The following MADD variants were observed in gnomAD, a reference collection of about 807,000 sequenced individuals.
The protein encoded by MADD is MAP kinase activating death domain.
MADD carries 109 observed loss-of-function variants against 176.7 expected under a neutral mutation model. That is an observed-to-expected ratio of 0.62 (90% CI 0.53 to 0.72). MADD has a LOEUF of 0.72. Among genes scored for constraint, MADD ranks in the 30% least tolerant of loss-of-function variants. MADD has a pLI of 0.00. For synonymous variants in MADD, 771 were observed against 771.3 expected, an observed-to-expected ratio of 1.00 and a Z score of 0.01; for missense variants, 1,914 against 2,045.5, an observed-to-expected ratio of 0.94 and a Z score of 1.24.
chr11:47,287,671 A>G (rs1275361281), intron 15 of MADD, among the ~76,000 whole-genome samples: 2 of 152,048 alleles, frequency 1.3e-5, no homozygotes, highest in African/African-American at 4.8e-5. Flanking sequence ...TGGCCTCCCA[A>G]AGTGCCAGGA....
chr11:47,310,325 GCATCTAC>G (rs1565500512), intron 25 of MADD, among the ~76,000 whole-genome samples: 2 of 151,482 alleles, frequency 1.3e-5, no homozygotes, highest in Non-Finnish European at 2.9e-5. Flanking sequence ...GGGATTACAG[GCATCTAC>G]CACCATGCCT....
In MADD at chr11:47,289,138, G is replaced by A. The variant is rs947914591; in HGVS notation, c.2654-253G>A. The A allele has an allele frequency of 1.2e-5, 13 of 1,118,088 alleles. No individual in the cohort carries two copies. In the African/African-American group the frequency reaches 1.4e-4, roughly 12 times the overall value. 69.3% of individuals were successfully genotyped at this position (1,118,088 alleles called of 1,614,324 possible). The stretch of plus-strand genomic sequence containing the variant: ...GCAAGCAGCGTCACATGAGTGACCT[G>A]CTTGCCCCGTCCCCCGTGACGCCCA... On this transcript the variant is annotated intron_variant, in intron 15 of 32. Coordinates refer to ENST00000402192, the Ensembl canonical transcript of MADD.
intron 27 of MADD, among the ~76,000 whole-genome samples, chr11:47,319,178 C>T (rs1214886963): frequency 1.4e-5 from 2 of 146,344 alleles, no homozygotes; most frequent in Admixed American, 1.4e-4. Flanking sequence ...GTCACCCAGG[C>T]TGGAGTGCAG....
At position 47,324,500 on chromosome 11, in the gene MADD, C is replaced by T. The variant is rs766076891; in HGVS notation, c.4465C>T (p.Gln1489Ter). ...TGAATTGGGTGGCGAGTTCCCTGTGCAGGACCTGAAGACTGGTGAGGGTGG... is the reference window on the plus strand; with the variant it reads ...TGAATTGGGTGGCGAGTTCCCTGTGTAGGACCTGAAGACTGGTGAGGGTGG... The change falls in exon 30 of 33, where the codon CAG (glutamine) becomes TAG (stop). Residue 1489 changes from glutamine to a stop codon, truncating the protein, a stop_gained. Coordinates refer to ENST00000402192, the Ensembl canonical transcript of MADD. LOFTEE classifies it high-confidence loss of function. 1 of 1,613,968 alleles carries T rather than the reference C, an allele frequency of 6.2e-7. No individual in the cohort carries two copies. Among genetic ancestry groups the T allele is most frequent in the African/African-American group, 1.3e-5 (1 of 74,930 alleles).
chr11:47,327,352 G>A (rs1245062836), intron 31 of MADD: 2 of 985,320 alleles, frequency 2.0e-6, no homozygotes. Context: ...GGTGTAGTGG[G>A]TTCTCACCCT....
At chr11:47,281,512 G>C in intron 7 of MADD, 63 bp from the exon 8 acceptor site, 2 of 1,384,922 alleles carry the variant, frequency 1.4e-6, no homozygotes, top group South Asian at 1.5e-5. Context: ...TTTCCTTGGA[G>C]TTAAGATTGG....
chr11:47,315,993 G>C (rs186287450), intron 27 of MADD, among the ~76,000 whole-genome samples: 4 of 151,224 alleles, frequency 2.6e-5, no homozygotes, highest in African/African-American at 9.7e-5. Context: ...CACCATGCCC[G>C]GCCAATTTTT....
In MADD at chr11:47,309,148, A is replaced by G. The variant is rs1344544771; in HGVS notation, c.3752-133A>G. On this transcript the variant is annotated intron_variant, in intron 23 of 32. Coordinates refer to ENST00000402192, the Ensembl canonical transcript of MADD. The stretch of plus-strand genomic sequence containing the variant: ...GTGGCAGGCATGTTAGATCTGGGGT[A>G]GAAAGATTGTGTTTCCTTTGCCCTG... 6.5e-6 allele frequency: 10 copies of G among 1,545,574 alleles called. No individual in the cohort carries two copies. In the Admixed American group the frequency reaches 7.1e-5, roughly 11 times the overall value.
At chr11:47,277,495 C>G (rs2051335179) in intron 5 of MADD, among the ~76,000 whole-genome samples, 1 of 152,126 alleles carries the variant, frequency 6.6e-6, no homozygotes, top group Non-Finnish European at 1.5e-5. Context: ...CGGGGTTTCA[C>G]CATGTTGGCT....
rs530083393 is a variant in MADD at position 47,290,912 on chromosome 11, A to G, written c.3301+96A>G. On this transcript the variant is annotated intron_variant, in intron 19 of 32. Coordinates refer to ENST00000402192, the Ensembl canonical transcript of MADD. ...CCAGAATCCTGCCTTTCTCTGCCCC[A>G]TGCTTTGCTTCTTAGAGAGGGAAGG... 5.9e-6 allele frequency: 6 copies of G among 1,017,270 alleles called. No individual in the cohort carries two copies. The Admixed American group carries it at 9.6e-5, about 16-fold the overall frequency. 63.0% of individuals were successfully genotyped at this position (1,017,270 alleles called of 1,614,324 possible). A position where few individuals can be genotyped will look rare whatever the true frequency, so the allele number is the denominator to read the frequency against.
chr11:47,286,620 T>C, intron 15 of MADD, 86 bp downstream of exon 15: 2 of 964,100 alleles, frequency 2.1e-6, no homozygotes, highest in South Asian at 1.4e-5. Flanking sequence ...CTGCATCTGC[T>C]GAATCCTTTG....
intron 16 of MADD, 127 bp from the exon 18 acceptor site, chr11:47,289,740 G>A (rs1378190193): frequency 3.7e-6 from 4 of 1,094,064 alleles, no homozygotes; most frequent in Non-Finnish European, 4.0e-6. Flanking sequence ...GGGATGTGGT[G>A]CACTTGGACA....
intron 3 of MADD, 28 bp downstream of exon 3, chr11:47,275,187 G>T: frequency 6.3e-7 from 1 of 1,577,146 alleles, no homozygotes; most frequent in South Asian, 1.1e-5. Flanking sequence ...TGCCTAATGG[G>T]GGAAGCATTT....
At chr11:47,323,458 G>A (rs1013669354) in intron 27 of MADD, among the ~76,000 whole-genome samples, 11 of 151,510 alleles carry the variant, frequency 7.3e-5, no homozygotes, top group Non-Finnish European at 1.3e-4. Context: ...CTTATACATC[G>A]GTTCCTTCTA....
At chr11:47,282,964 T>C (rs1163328691) in exon 10 of MADD, 3 of 1,613,406 alleles carry the variant, frequency 1.9e-6, no homozygotes, top group Middle Eastern at 1.8e-4. Context: ...AACCTACTGA[T>C]GATAGGTGAG....
intron 28 of MADD, 166 bp from the exon 32 acceptor site, chr11:47,324,099 C>G: frequency 1.5e-6 from 1 of 669,400 alleles, no homozygotes; most frequent in Non-Finnish European, 2.6e-6. Context: ...TGCTCCGGAT[C>G]TATCATTCAT....
exon 13 of MADD, chr11:47,284,946 T>A (rs1179269230): frequency 6.2e-7 from 1 of 1,613,604 alleles, no homozygotes; most frequent in Non-Finnish European, 8.5e-7. Context: ...TTTAGGAACC[T>A]GCTGACTCTA....
At chr11:47,328,901 G>A in intron 32 of MADD, 145 bp from the exon 37 acceptor site, 1 of 948,144 alleles carries the variant, frequency 1.1e-6, no homozygotes, top group Non-Finnish European at 1.7e-6. Flanking sequence ...CCTCTCCCAT[G>A]GGGACAGCTT....
intron 22 of MADD, among the ~76,000 whole-genome samples, chr11:47,302,574 T>G (rs1236129136): frequency 6.6e-6 from 1 of 152,246 alleles, no homozygotes; most frequent in African/African-American, 2.4e-5. Flanking sequence ...TCTTGCTTGC[T>G]TTTGGTTTCT....
Sources: gnomAD v4.1 joint callset for allele counts (sites outside exome capture counted in the v4.1 genomes callset) on GRCh38, gnomAD v4.1.1 for gene constraint, MANE v1.5 for transcripts, NCBI Gene and HGNC (gene_info 2026-07-23, HGNC 2026-07-21) for gene names.